Variants in CC2D1B observed in about 807,000 individuals in gnomAD.
The protein encoded by CC2D1B is coiled-coil and C2 domain-containing protein 1B.
A neutral mutation model predicts 110.8 loss-of-function variants in CC2D1B; 92 were observed. That is an observed-to-expected ratio of 0.83 (90% CI 0.70 to 0.99). The LOEUF (loss-of-function observed/expected upper bound fraction) is 0.99. Among genes scored for constraint, CC2D1B ranks in the 50% least tolerant of loss-of-function variants. CC2D1B has a pLI of 0.00. For missense variants in CC2D1B, 1,136 were observed against 1,089.0 expected (o/e 1.04, Z -0.61); for synonymous variants, 406 against 429.2 (o/e 0.95, Z 0.67).
At chr1:52,362,923 G>A (rs891416936) in intron 2 of CC2D1B, among the ~76,000 whole-genome samples, 177 bp from the exon 3 acceptor site, 2 of 151,982 alleles carry the variant, frequency 1.3e-5, no homozygotes, top group Admixed American at 1.3e-4. Context: ...ACCTTCCTAG[G>A]GACTCAACAA....
At chr1:52,360,939 C>G (rs200979872) in intron 5 of CC2D1B, 35 bp downstream of exon 5, 5 of 1,611,686 alleles carry the variant, frequency 3.1e-6, no homozygotes, top group Non-Finnish European at 4.2e-6. Flanking sequence ...CGCACAGGAG[C>G]ATCAGAGGCA....
chr1:52,353,302 G>A, intron 24 of CC2D1B, 79 bp from the exon 25 acceptor site: 1 of 1,348,324 alleles, frequency 7.4e-7, no homozygotes, highest in Non-Finnish European at 9.5e-7. Context: ...GTTTCCTGAA[G>A]ATAGATAGAT....
At chr1:52,356,880 CAG>C (rs1282034923) in intron 16 of CC2D1B, 119 bp downstream of exon 16, 43 of 1,201,784 alleles carry the variant, frequency 3.6e-5, no homozygotes, top group Non-Finnish European at 4.7e-5. Context: ...CCAAGTCACA[CAG>C]TGAGTAAGTG....
rs1557543188 is a variant in CC2D1B at position 52,356,186 on chromosome 1, C to T, written c.2054G>A (p.Arg685Lys). The T allele has an allele frequency of 6.2e-7, 1 of 1,608,740 alleles. No homozygotes were observed. The highest frequency in any genetic ancestry group is 8.5e-7 in the Non-Finnish European group (1 of 1,175,376). The change falls in exon 18 of 25, where the codon AGG (arginine) becomes AAG (lysine). Residue 685 changes from arginine (R) to lysine (K), a missense_variant and splice_region_variant. Transcript: ENST00000284376. ...HFELKTFQTVRIFSELNSTEM... is the reference protein window; with the variant it reads ...HFELKTFQTVKIFSELNSTEM... Reference sequence around the variant, plus strand: ...CCCCTGTTTCCCTAGGCCTTGGTACCTCACAGTCTGGAATGTCTTCAACTC... The same window carrying T: ...CCCCTGTTTCCCTAGGCCTTGGTACTTCACAGTCTGGAATGTCTTCAACTC...
rs770123078 is a variant in CC2D1B at position 52,355,637 on chromosome 1, C to T, written c.2158G>A (p.Val720Met). The change falls in exon 20 of 25, where the codon GTG becomes ATG. Residue 720 changes from valine to methionine, a missense_variant. Val to Met is a conservative substitution (Grantham distance 21, BLOSUM62 1). Coordinates refer to ENST00000284376, the MANE Select transcript of CC2D1B (RefSeq NM_001330585.2). ...GVTPDDLDAF[V>M]RFEFHYPNSD... Reference sequence around the variant, plus strand: ...TTAGGGTAGTGAAACTCAAACCGCACAAAAGCATCCAGGTCATCGGGAGTC... The same window carrying T: ...TTAGGGTAGTGAAACTCAAACCGCATAAAAGCATCCAGGTCATCGGGAGTC... 3 of 1,614,158 alleles carry T rather than the reference C, an allele frequency of 1.9e-6. No homozygotes were observed. Among genetic ancestry groups the T allele is most frequent in the Admixed American group, 3.3e-5 (2 of 60,026 alleles).
intron 21 of CC2D1B, 35 bp downstream of exon 21, chr1:52,355,363 G>C (rs1326916480): frequency 6.2e-7 from 1 of 1,609,534 alleles, no homozygotes; most frequent in Non-Finnish European, 8.5e-7. Flanking sequence ...CACACACTCT[G>C]AGGGAGGAGA....
rs931583660 is a variant in CC2D1B at position 52,362,458 on chromosome 1, C to T, written c.214+144G>A. ...ACAAGGTGGGGAAGCAGGGCGAGGC[C>T]GCCTCTTGGTGGGAGTGCGGCAGAT... is the stretch of plus-strand genomic sequence containing the variant. On this transcript the variant is annotated intron_variant, in intron 3 of 24. Coordinates refer to ENST00000284376, the MANE Select transcript of CC2D1B (RefSeq NM_001330585.2). The T allele has an allele frequency of 4.0e-6, 4 of 989,168 alleles. No individual in the cohort carries two copies. The African/African-American group carries it at 4.8e-5, about 12-fold the overall frequency. 61.3% of individuals were successfully genotyped at this position (989,168 alleles called of 1,614,324 possible).
intron 21 of CC2D1B, among the ~76,000 whole-genome samples, 154 bp downstream of exon 21, chr1:52,355,242 CGT>C (rs1205147497): frequency 6.6e-6 from 1 of 152,224 alleles, no homozygotes; most frequent in African/African-American, 2.4e-5. Flanking sequence ...TACCTCTCTG[CGT>C]GTTTCTCCAA....
At position 52,354,915 on chromosome 1, in the gene CC2D1B, T is replaced by C; in HGVS notation, c.2264A>G (p.Asn755Ser). 1.2e-6 allele frequency: 2 copies of C among 1,614,080 alleles called. No homozygotes were observed. The highest frequency in any genetic ancestry group is 1.7e-6 in the Non-Finnish European group (2 of 1,179,972). The change falls in exon 22 of 25, where the codon AAC (asparagine) becomes AGC (serine). Residue 755 changes from asparagine (N) to serine (S), a missense_variant. Coordinates refer to ENST00000284376, the MANE Select transcript of CC2D1B (RefSeq NM_001330585.2). ...SPEFDQLFKL[N>S]INRNHRGFKR... ...GAAGCCCCGGTGGTTTCGGTTGATG[T>C]TTAGTTTGAAGAGTTGATCAAATTC...
Sources: gnomAD v4.1 joint callset for allele counts (sites outside exome capture counted in the v4.1 genomes callset) on GRCh38, gnomAD v4.1.1 for gene constraint, MANE v1.5 for transcripts, NCBI Gene and HGNC (gene_info 2026-07-23, HGNC 2026-07-21) for gene names.